The following STN1 variants were observed in gnomAD, a reference collection of about 807,000 sequenced individuals.
STN1 encodes CST complex subunit STN1.
A neutral mutation model predicts 45.5 loss-of-function variants in STN1; 29 were observed. The observed-to-expected ratio is 0.64, with a 90% CI of 0.47 to 0.87. STN1 has a LOEUF of 0.87. STN1 is among the 40% of genes least tolerant of loss of function. STN1 has a pLI of 0.00. For missense variants in STN1, 376 were observed against 441.4 expected (o/e 0.85, Z 1.33); for synonymous variants, 148 against 159.0 (o/e 0.93, Z 0.52).
At chr10:103,897,482 C>A in intron 7 of STN1, 66 bp downstream of exon 7, 4 of 1,402,252 alleles carry the variant, frequency 2.9e-6, no homozygotes, top group South Asian at 1.2e-5. Flanking sequence ...GTCACTTTCA[C>A]CCACACCTGC....
chr10:103,897,622 GC>G lies in STN1; in HGVS notation c.678del (p.Gln226HisfsTer18). On this transcript the variant is annotated frameshift_variant, in exon 7 of 10. Transcript: ENST00000224950. LOFTEE classifies it high-confidence loss of function. ...AAAGACTCCACCATTTCCAGCTCCT[GC>G]TGGTAAAAGCTCTGCACTCTGTTCT... The part of the protein sequence containing the change: ...LMENRVQSFY[Q>X]QELEMVESLL... 6.2e-7 allele frequency: 1 copy of G among 1,614,156 alleles called. No homozygotes were observed. The highest frequency in any genetic ancestry group is 2.2e-5 in the East Asian group (1 of 44,890).
chr10:103,889,602 G>A (rs1385029963), intron 8 of STN1, among the ~76,000 whole-genome samples: 4 of 147,830 alleles, frequency 2.7e-5, no homozygotes, highest in African/African-American at 9.9e-5. Flanking sequence ...AAAAAACCCT[G>A]CAAGGACAGG....
intron 3 of STN1, among the ~76,000 whole-genome samples, chr10:103,907,159 C>G (rs2134371703): frequency 6.6e-6 from 1 of 152,288 alleles, no homozygotes; most frequent in South Asian, 2.1e-4. Flanking sequence ...TATCCTTTGA[C>G]TTAACAATTA....
In STN1 at chr10:103,917,579, T is replaced by G; in HGVS notation, c.16A>C (p.Ser6Arg). 6.2e-7 allele frequency: 1 copy of G among 1,614,112 alleles called. No homozygotes were observed. The highest frequency in any genetic ancestry group is 1.1e-5 in the South Asian group (1 of 91,080). MQPGS[S>R]RCEEETPSLL... Reference sequence around the variant, plus strand: ...GAAGGGGTCTCCTCTTCACACCGGCTGGATCCAGGCTGCATCAAGAGGCAG... The same window carrying G: ...GAAGGGGTCTCCTCTTCACACCGGCGGGATCCAGGCTGCATCAAGAGGCAG... Residue 6 changes from serine to arginine, a missense_variant, in exon 2 of 10, where the codon AGC becomes CGC. Physicochemically the swap from Ser to Arg is moderately radical, Grantham distance 110 (BLOSUM62 -1). Coordinates refer to ENST00000224950, the MANE Select transcript of STN1 (RefSeq NM_024928.5).
At chr10:103,915,670 A>G (rs1307120147) in intron 2 of STN1, among the ~76,000 whole-genome samples, 1 of 152,168 alleles carries the variant, frequency 6.6e-6, no homozygotes, top group Admixed American at 6.6e-5. Flanking sequence ...TTGCCTTTAT[A>G]GTAAATGGAA....
At chr10:103,915,207 CCA>C (rs1374916111) in intron 2 of STN1, among the ~76,000 whole-genome samples, 1 of 152,188 alleles carries the variant, frequency 6.6e-6, no homozygotes, top group Non-Finnish European at 1.5e-5. Flanking sequence ...CCCTCAGTGT[CCA>C]GAGTTTTTAC....
chr10:103,917,774 A>G (rs1843344104), intron 1 of STN1, 118 bp from the exon 2 acceptor site: 1 of 587,006 alleles, frequency 1.7e-6, no homozygotes, highest in Non-Finnish European at 2.9e-6. Context: ...GCAGGGATCC[A>G]GGGCCCTGTC....
chr10:103,892,089 T>A, intron 8 of STN1, 41 bp downstream of exon 8: 3 of 1,463,188 alleles, frequency 2.1e-6, no homozygotes, highest in Non-Finnish European at 2.8e-6. Flanking sequence ...TATTTGTAAT[T>A]GAAGCTACAA....
chr10:103,889,965 A>G (rs1393374420), intron 8 of STN1, among the ~76,000 whole-genome samples: 4 of 152,120 alleles, frequency 2.6e-5, no homozygotes, highest in Non-Finnish European at 5.9e-5. Flanking sequence ...TTGGCCTCCC[A>G]AAGTGCTGGG....
At chr10:103,900,688 TCTCTC>T (rs1843202968) in intron 4 of STN1, among the ~76,000 whole-genome samples, 1 of 75,060 alleles carries the variant, frequency 1.3e-5, no homozygotes, top group South Asian at 8.1e-4. Flanking sequence ...ACTAGGCTAA[TCTCTC>T]TGTCTCTCTC....
intron 2 of STN1, among the ~76,000 whole-genome samples, chr10:103,915,223 G>C (rs1843323658): frequency 6.6e-6 from 1 of 152,142 alleles, no homozygotes; most frequent in Non-Finnish European, 1.5e-5. Flanking sequence ...TTTTTACTGA[G>C]GTCTCATAAG....
In STN1 at chr10:103,882,438, C is replaced by T; in HGVS notation, c.*246G>A. 1 of 442,996 alleles carries T rather than the reference C, an allele frequency of 2.3e-6. No individual in the cohort carries two copies. The highest frequency in any genetic ancestry group is 4.0e-6 in the Non-Finnish European group (1 of 247,656). 27.4% of individuals were successfully genotyped at this position (442,996 alleles called of 1,614,324 possible). A position where few individuals can be genotyped will look rare whatever the true frequency, so the allele number is the denominator to read the frequency against. ...ACAACGCACAGTCCAGCCAGGAGCT[C>T]AACAGGGAGGGTTTTCTTGTTGTGT... On this transcript the variant is annotated 3_prime_UTR_variant, in exon 10 of 10. Transcript: ENST00000224950.
chr10:103,892,429 T>C (rs1210574075), intron 7 of STN1, among the ~76,000 whole-genome samples, 177 bp from the exon 8 acceptor site: 1 of 151,910 alleles, frequency 6.6e-6, no homozygotes, highest in Non-Finnish European at 1.5e-5. Context: ...GACTGAGAAG[T>C]GTGCCCCGGC....
At chr10:103,887,278 C>A (rs909695697) in intron 9 of STN1, among the ~76,000 whole-genome samples, 4 of 152,164 alleles carry the variant, frequency 2.6e-5, no homozygotes, top group Admixed American at 6.5e-5. Flanking sequence ...CAATGTATAT[C>A]GTCGGCTAAA....
At position 103,911,297 on chromosome 10, in the gene STN1, C is replaced by A. The variant is rs1046028665; in HGVS notation, c.134-675G>T. On this transcript the variant is annotated intron_variant, in intron 2 of 9. Coordinates refer to ENST00000224950, the MANE Select transcript of STN1 (RefSeq NM_024928.5). ...GACTTGGGGCCAGGACACAGAGGGGCTGCTCAGAGCAGGGAGTCCCTGATG... is the reference window on the plus strand; with the variant it reads ...GACTTGGGGCCAGGACACAGAGGGGATGCTCAGAGCAGGGAGTCCCTGATG... 2.0e-5 allele frequency among the ~76,000 whole-genome samples: 3 copies of A among 152,134 alleles called. 1 individual carries two copies. Among genetic ancestry groups the A allele is most frequent in the Non-Finnish European group, 4.4e-5 (3 of 68,012 alleles).
At chr10:103,904,955 T>C in intron 4 of STN1, 136 bp downstream of exon 4, 1 of 774,890 alleles carries the variant, frequency 1.3e-6, no homozygotes, top group Non-Finnish European at 2.2e-6. Flanking sequence ...GCTCTGGGTA[T>C]AGTGCTTCAG....
Position 103,909,496 on chromosome 10 carries a change from GTATATGTA to G in STN1, c.229+1023_229+1030del, listed in dbSNP as rs1354897328. Among the ~76,000 whole-genome samples the G allele has an allele frequency of 1.9e-4, 15 of 77,142 alleles. 2 individuals carry two copies. Among genetic ancestry groups the G allele is most frequent in the African/African-American group, 6.4e-4 (11 of 17,254 alleles). The allele number at this position is 77,142 out of a possible 152,430, so 50.6% of individuals were successfully genotyped here. On this transcript the variant is annotated intron_variant, in intron 3 of 9. Coordinates refer to ENST00000224950, the MANE Select transcript of STN1 (RefSeq NM_024928.5). ...TATATATGTATATATATGTGTGTGT[GTATATGTA>G]TATATGTATATATGTATATATATGT...
intron 9 of STN1, among the ~76,000 whole-genome samples, chr10:103,883,967 G>A (rs1300002443): frequency 3.3e-5 from 5 of 151,816 alleles, no homozygotes; most frequent in African/African-American, 1.2e-4. Flanking sequence ...GCATGGACCT[G>A]TAATCCTAGC....
intron 2 of STN1, among the ~76,000 whole-genome samples, chr10:103,914,372 ATAT>A (rs1422955878): frequency 5.7e-4 from 47 of 82,610 alleles, no homozygotes; most frequent in Non-Finnish European, 1.0e-3. Flanking sequence ...ATATATATAT[ATAT>A]TTTTTTTTTT....
Sources: gnomAD v4.1 joint callset for allele counts (sites outside exome capture counted in the v4.1 genomes callset) on GRCh38, gnomAD v4.1.1 for gene constraint, MANE v1.5 for transcripts, NCBI Gene and HGNC (gene_info 2026-07-23, HGNC 2026-07-21) for gene names.